ARHGAP12: variants seen among roughly 807,000 people sequenced by gnomAD.
The protein encoded by ARHGAP12 is rho GTPase-activating protein 12.
A neutral mutation model predicts 108.6 loss-of-function variants in ARHGAP12; 64 were observed. The observed-to-expected ratio is 0.59, with a 90% CI of 0.48 to 0.73. The LOEUF (loss-of-function observed/expected upper bound fraction) is 0.73. Among genes scored for constraint, ARHGAP12 ranks in the 30% least tolerant of loss-of-function variants. The pLI is 0.00. For missense variants in ARHGAP12, 940 were observed against 1,005.9 expected (o/e 0.93, Z 0.89); for synonymous variants, 312 against 337.2 (o/e 0.93, Z 0.82).
intron 1 of ARHGAP12, among the ~76,000 whole-genome samples, 190 bp downstream of exon 1, chr10:31,928,493 C>T (rs915753498): frequency 4.8e-4 from 72 of 151,332 alleles, no homozygotes; most frequent in Non-Finnish European, 8.3e-4. Context: ...CGCCCAGAGC[C>T]CCTCGCTGCG....
At chr10:31,811,110 T>C (rs1835000082) in intron 15 of ARHGAP12, among the ~76,000 whole-genome samples, 1 of 152,160 alleles carries the variant, frequency 6.6e-6, no homozygotes, top group Non-Finnish European at 1.5e-5. Flanking sequence ...CTAGACACAT[T>C]CTATTTTATT....
chr10:31,840,026 G>A (rs1836201500), intron 7 of ARHGAP12, among the ~76,000 whole-genome samples: 1 of 151,974 alleles, frequency 6.6e-6, no homozygotes, highest in Non-Finnish European at 1.5e-5. Flanking sequence ...ATTAAAATAA[G>A]TAAAACCTAA....
At chr10:31,857,928 G>C (rs72771485) in intron 4 of ARHGAP12, among the ~76,000 whole-genome samples, 16,996 of 152,252 alleles carry the variant, frequency 0.11, 1,249 homozygotes, top group Non-Finnish European at 0.17. Flanking sequence ...TTATGGCTGG[G>C]CACAGTGGCT....
intron 6 of ARHGAP12, among the ~76,000 whole-genome samples, chr10:31,847,034 C>G (rs186447921): frequency 6.6e-6 from 1 of 150,742 alleles, no homozygotes; most frequent in East Asian, 2.0e-4. Context: ...CCATCCAGTA[C>G]TTGATTTTTG....
intron 1 of ARHGAP12, among the ~76,000 whole-genome samples, chr10:31,917,531 A>G (rs769521835): frequency 2.0e-5 from 3 of 152,260 alleles, no homozygotes; most frequent in Non-Finnish European, 2.9e-5. Flanking sequence ...CTACCCAGGT[A>G]TCTTCTCCTC....
chr10:31,887,349 A>G (rs780190798), intron 3 of ARHGAP12, among the ~76,000 whole-genome samples: 14 of 152,208 alleles, frequency 9.2e-5, no homozygotes, highest in Non-Finnish European at 1.5e-5. Flanking sequence ...TTAATCTCAT[A>G]TAAAAAGCAC....
chr10:31,827,440 T>C (rs1218733448), intron 10 of ARHGAP12, among the ~76,000 whole-genome samples: 2 of 152,204 alleles, frequency 1.3e-5, no homozygotes, highest in Non-Finnish European at 2.9e-5. Context: ...ATGTCAAATC[T>C]GTCTACTGCA....
intron 3 of ARHGAP12, among the ~76,000 whole-genome samples, chr10:31,903,361 C>G (rs1839004062): frequency 6.6e-6 from 1 of 152,162 alleles, no homozygotes; most frequent in African/African-American, 2.4e-5. Flanking sequence ...GTACCGTCAT[C>G]ATTCATGCAG....
chr10:31,906,425 C>T (rs1329939036), intron 3 of ARHGAP12, among the ~76,000 whole-genome samples: 2 of 152,116 alleles, frequency 1.3e-5, no homozygotes, highest in African/African-American at 4.8e-5. Flanking sequence ...TGATTTTCCC[C>T]AATTATCACA....
chr10:31,816,592 T>C (rs1009003626), intron 13 of ARHGAP12, among the ~76,000 whole-genome samples: 1 of 152,154 alleles, frequency 6.6e-6, no homozygotes, highest in African/African-American at 2.4e-5. Context: ...AAAGTCCATA[T>C]TGGGTAAAAT....
At chr10:31,812,121 T>A (rs527975367) in intron 15 of ARHGAP12, among the ~76,000 whole-genome samples, 66 of 152,310 alleles carry the variant, frequency 4.3e-4, no homozygotes, top group Non-Finnish European at 7.6e-4. Context: ...TTGTTTTAAG[T>A]CAGGTATTAG....
At chr10:31,917,810 A>G (rs1453748704) in intron 1 of ARHGAP12, among the ~76,000 whole-genome samples, 3 of 152,250 alleles carry the variant, frequency 2.0e-5, no homozygotes, top group Non-Finnish European at 4.4e-5. Flanking sequence ...TTTACTTCAA[A>G]TAAACATTGG....
At chr10:31,880,240 A>C (rs1235259678) in intron 3 of ARHGAP12, among the ~76,000 whole-genome samples, 1 of 152,216 alleles carries the variant, frequency 6.6e-6, no homozygotes, top group Non-Finnish European at 1.5e-5. Flanking sequence ...AAAATGATTA[A>C]AATGTTTAAC....
rs1836158509 is a variant in ARHGAP12, at chr10:31,839,294, T to G, written c.1386+11A>C. 6.2e-7 allele frequency: 1 copy of G among 1,606,982 alleles called. No homozygotes were observed. The highest frequency in any genetic ancestry group is 2.2e-5 in the East Asian group (1 of 44,606). On this transcript the variant is annotated intron_variant, in intron 9 of 19. Transcript: ENST00000344936. ...TCTATGCCTATTAAGAAGGAGAGGA[T>G]TGCTTCTTACCTTTGGACTGCTGGC...
Position 31,885,841 on chromosome 10 carries a change from T to TA in ARHGAP12, c.684+22330dup, listed in dbSNP as rs1564411532. Reference sequence around the variant, plus strand: ...CTCAAAAAAAAAAAAAAAGTTTAATTAAAAAAACACAAACAAACAAATACA... The same window carrying TA: ...CTCAAAAAAAAAAAAAAAGTTTAATTAAAAAAAACACAAACAAACAAATACA... On this transcript the variant is annotated intron_variant, in intron 3 of 19. Transcript: ENST00000344936. Among the ~76,000 whole-genome samples, 6 of 151,230 alleles carry TA rather than the reference T, an allele frequency of 4.0e-5. No individual in the cohort carries two copies. In the South Asian group the frequency reaches 1.0e-3, roughly 26 times the overall value.
intron 8 of ARHGAP12, 83 bp downstream of exon 8, chr10:31,839,551 AAAC>A: frequency 7.8e-7 from 1 of 1,288,750 alleles, no homozygotes; most frequent in East Asian, 2.5e-5. Flanking sequence ...AAGCTCATTT[AAAC>A]ATTACATTAA....
chr10:31,841,862 T>C (rs985631889), intron 7 of ARHGAP12, among the ~76,000 whole-genome samples: 1 of 152,146 alleles, frequency 6.6e-6, no homozygotes, highest in African/African-American at 2.4e-5. Context: ...TTTGTTCTGG[T>C]AGTCAGTCCC....
At chr10:31,923,152 A>AAAC (rs1554792908) in intron 1 of ARHGAP12, among the ~76,000 whole-genome samples, 3 of 150,348 alleles carry the variant, frequency 2.0e-5, no homozygotes, top group Admixed American at 6.6e-5. Context: ...AAAAAAAAAA[A>AAAC]CAGGCAAAAT....
At chr10:31,899,995 A>G (rs1487585381) in intron 3 of ARHGAP12, among the ~76,000 whole-genome samples, 1 of 152,210 alleles carries the variant, frequency 6.6e-6, no homozygotes, top group South Asian at 2.1e-4. Flanking sequence ...TACATTCAAG[A>G]TATACAAGGA....
Sources: gnomAD v4.1 joint callset for allele counts (sites outside exome capture counted in the v4.1 genomes callset) on GRCh38, gnomAD v4.1.1 for gene constraint, MANE v1.5 for transcripts, NCBI Gene and HGNC (gene_info 2026-07-23, HGNC 2026-07-21) for gene names.